The following CREB3L1 variants were observed in gnomAD, a reference collection of about 807,000 sequenced individuals.
The protein encoded by CREB3L1 is cyclic AMP-responsive element-binding protein 3-like protein 1.
A neutral mutation model predicts 54.5 loss-of-function variants in CREB3L1; 33 were observed. The ratio of observed to expected loss-of-function variants is 0.61; its 90% CI spans 0.46 to 0.81. The LOEUF (loss-of-function observed/expected upper bound fraction) is 0.81, where lower values mean the gene tolerates loss of function less well. Ranked by LOEUF, CREB3L1 falls within the 30% of genes least tolerant of loss-of-function variation. The probability of loss-of-function intolerance (pLI) is 0.00; values close to 1 mark genes in which losing one functional copy is unlikely to be tolerated. For missense variants in CREB3L1, 656 were observed against 673.3 expected, an observed-to-expected ratio of 0.97 and a Z score of 0.29; for synonymous variants, 284 against 286.4, an observed-to-expected ratio of 0.99 and a Z score of 0.08.
intron 1 of CREB3L1, among the ~76,000 whole-genome samples, chr11:46,286,614 G>A (rs1185581037): frequency 1.3e-5 from 2 of 151,894 alleles, no homozygotes; most frequent in African/African-American, 2.4e-5. Context: ...GTGAAACCCC[G>A]TCTCTACTAA....
chr11:46,305,698 G>GTGTATATA (rs1555222412), intron 2 of CREB3L1, among the ~76,000 whole-genome samples: 18,340 of 102,972 alleles, frequency 0.18, 1,305 homozygotes, highest in Middle Eastern at 0.26. Flanking sequence ...ATATGTGTGT[G>GTGTATATA]TGTGTGTGTG....
At chr11:46,296,025 C>T (rs998763685) in intron 1 of CREB3L1, among the ~76,000 whole-genome samples, 1 of 152,212 alleles carries the variant, frequency 6.6e-6, no homozygotes, top group Non-Finnish European at 1.5e-5. Context: ...CTTCCCACCC[C>T]CGTTGCCTGG....
rs1939204778 is a variant in CREB3L1, at chr11:46,295,923, G to GCGTGACA, written c.103-4011_103-4005dup. 2.0e-5 allele frequency among the ~76,000 whole-genome samples: 3 copies of GCGTGACA among 152,240 alleles called. No homozygotes were observed. The highest frequency in any genetic ancestry group is 7.2e-5 in the African/African-American group (3 of 41,468). ...AGGGAGGGAAGCCGGCGCCGGCTGCGCGTGACAGCCGAGAAGGAGCTTATA... is the reference window on the plus strand; with the variant it reads ...AGGGAGGGAAGCCGGCGCCGGCTGCGCGTGACACGTGACAGCCGAGAAGGAGCTTATA... On this transcript the variant is annotated intron_variant, in intron 1 of 11. Transcript: ENST00000621158. This position sits in a 1 kb window ranked among gnomAD's most constrained non-coding sequence, Gnocchi z 4.6.
intron 2 of CREB3L1, among the ~76,000 whole-genome samples, chr11:46,306,147 G>T (rs1019845652): frequency 1.3e-5 from 2 of 151,918 alleles, no homozygotes; most frequent in Non-Finnish European, 2.9e-5. Context: ...GGGCTCAAGC[G>T]ATCCTCCTGC....
rs1461472846 is a variant in CREB3L1 at position 46,295,917 on chromosome 11, G to T, written c.103-4018G>T. Among the ~76,000 whole-genome samples the T allele has an allele frequency of 6.6e-6, 1 of 152,246 alleles. No individual in the cohort carries two copies. The highest frequency in any genetic ancestry group is 2.4e-5 in the African/African-American group (1 of 41,468). On this transcript the variant is annotated intron_variant, in intron 1 of 11. Transcript: ENST00000621158. The surrounding 1 kb of genome is among the most constrained non-coding windows in gnomAD (Gnocchi z 4.6). ...CCTCCAAGGGAGGGAAGCCGGCGCC[G>T]GCTGCGCGTGACAGCCGAGAAGGAG...
intron 2 of CREB3L1, among the ~76,000 whole-genome samples, chr11:46,305,672 A>G (rs1174050336): frequency 5.6e-5 from 5 of 89,368 alleles, no homozygotes; most frequent in East Asian, 2.5e-4. Context: ...GTGTATATAT[A>G]TGTGTGTGTG....
intron 8 of CREB3L1, among the ~76,000 whole-genome samples, chr11:46,313,857 G>A (rs983100801): frequency 6.6e-6 from 1 of 152,174 alleles, no homozygotes; most frequent in African/African-American, 2.4e-5. Flanking sequence ...GGGTTCTTAC[G>A]CTGCTCTGCC....
intron 5 of CREB3L1, among the ~76,000 whole-genome samples, 185 bp downstream of exon 5, chr11:46,311,374 C>T (rs1434705193): frequency 6.6e-6 from 1 of 152,210 alleles, no homozygotes; most frequent in Non-Finnish European, 1.5e-5. Flanking sequence ...TGCTCTGTTG[C>T]CCAGGCTGGA....
intron 1 of CREB3L1, among the ~76,000 whole-genome samples, chr11:46,292,427 C>A (rs777346410): frequency 2.0e-5 from 3 of 152,188 alleles, no homozygotes; most frequent in Non-Finnish European, 2.9e-5. Flanking sequence ...CCACTGTGTG[C>A]GGGGACCAAT....
intron 10 of CREB3L1, 121 bp from the exon 11 acceptor site, chr11:46,320,143 C>T (rs906762939): frequency 3.1e-5 from 35 of 1,128,138 alleles, no homozygotes; most frequent in Non-Finnish European, 3.8e-5. Flanking sequence ...GTCACACATC[C>T]GGGAAGTGTC....
At chr11:46,304,669 CT>C (rs1481393126) in intron 2 of CREB3L1, among the ~76,000 whole-genome samples, 4 of 130,790 alleles carry the variant, frequency 3.1e-5, no homozygotes, top group African/African-American at 1.3e-4. Flanking sequence ...CACCCTAAGT[CT>C]TTTTTTAATT....
intron 6 of CREB3L1, 36 bp from the exon 7 acceptor site, chr11:46,312,576 C>G: frequency 6.2e-7 from 1 of 1,608,302 alleles, no homozygotes; most frequent in Non-Finnish European, 8.5e-7. Flanking sequence ...GAATATGTGG[C>G]AGTGCTAACC....
chr11:46,290,920 C>T (rs1446143507), intron 1 of CREB3L1, among the ~76,000 whole-genome samples: 1 of 152,158 alleles, frequency 6.6e-6, no homozygotes, highest in Non-Finnish European at 1.5e-5. Flanking sequence ...GATGTCAGGA[C>T]CCAGCACTCC....
rs1377029190 is a variant in CREB3L1, at chr11:46,320,943, T to C, written c.*197T>C. 2.4e-5 allele frequency: 17 copies of C among 704,304 alleles called. No homozygotes were observed. Among genetic ancestry groups the C allele is most frequent in the Middle Eastern group, 2.3e-4 (1 of 4,324 alleles). The allele number at this position is 704,304 out of a possible 1,614,324, so 43.6% of individuals were successfully genotyped here. A position where few individuals can be genotyped will look rare whatever the true frequency, so the allele number is the denominator to read the frequency against. On this transcript the variant is annotated 3_prime_UTR_variant, in exon 12 of 12. Coordinates refer to ENST00000621158, the MANE Select transcript of CREB3L1 (RefSeq NM_052854.4). ...GCCGACCACTCTGTTCTCATTCTCC[T>C]TCCCACCAACATCCATCCGTCCTTC...
chr11:46,300,199 C>A (rs1566185480), intron 2 of CREB3L1, 36 bp downstream of exon 2: 3 of 1,473,868 alleles, frequency 2.0e-6, no homozygotes, highest in Non-Finnish European at 2.8e-6. Context: ...AGCACAGGCC[C>A]AGGAGGCCCA....
rs1484777259 is a variant in CREB3L1 at position 46,295,395 on chromosome 11, G to A, written c.103-4540G>A. 1 of 152,212 alleles carries A rather than the reference G, an allele frequency of 6.6e-6. No individual in the cohort carries two copies. The highest frequency in any genetic ancestry group is 1.5e-5 in the Non-Finnish European group (1 of 68,076). The allele number at this position is 152,212 out of a possible 1,614,324, so 9.4% of individuals were successfully genotyped here. A position where few individuals can be genotyped will look rare whatever the true frequency, so the allele number is the denominator to read the frequency against. ...AGGCCCGGCTCGCCCTTTGAGTCGG[G>A]GTCGTCGGGGAGACCCTCGGTCTCC... On this transcript the variant is annotated intron_variant, in intron 1 of 11. Coordinates refer to ENST00000621158, the MANE Select transcript of CREB3L1 (RefSeq NM_052854.4). The surrounding 1 kb of genome is among the most constrained non-coding windows in gnomAD (Gnocchi z 4.6).
At chr11:46,306,952 C>T (rs1013871716) in intron 2 of CREB3L1, among the ~76,000 whole-genome samples, 1 of 151,884 alleles carries the variant, frequency 6.6e-6, no homozygotes, top group African/African-American at 2.4e-5. Context: ...CAGCCCACTG[C>T]AACCTCTGCC....
chr11:46,309,998 G>A lies in CREB3L1; in HGVS notation c.526G>A (p.Glu176Lys), dbSNP rs748646154. The A allele has an allele frequency of 1.1e-5, 18 of 1,601,256 alleles. No individual in the cohort carries two copies. In the Admixed American group the frequency reaches 2.6e-4, roughly 23 times the overall value. Residue 176 changes from glutamate (E) to lysine (K), a missense_variant, in exon 4 of 12, where the codon GAG (glutamate) becomes AAG (lysine). Glu to Lys is a moderately conservative substitution (Grantham distance 56). Coordinates refer to ENST00000621158, the MANE Select transcript of CREB3L1 (RefSeq NM_052854.4). Reference protein sequence around the residue: ...RLPIPHQAPGEMTQLPVIKAE... With the variant: ...RLPIPHQAPGKMTQLPVIKAE... ...CTTGTCTGTTCCTCAGGCCCCGGGA[G>A]AGATGACTCAGCTGCCAGTGATCAA...
intron 1 of CREB3L1, among the ~76,000 whole-genome samples, chr11:46,285,338 G>A (rs971517918): frequency 6.6e-6 from 1 of 152,108 alleles, no homozygotes; most frequent in Non-Finnish European, 1.5e-5. Flanking sequence ...TATTTGGGTG[G>A]AGTTAAGTCA....
Sources: gnomAD v4.1 joint callset for allele counts (sites outside exome capture counted in the v4.1 genomes callset) on GRCh38, gnomAD v4.1.1 for gene constraint, Gnocchi (gnomAD v3.1) non-coding constraint, MANE v1.5 for transcripts, NCBI Gene and HGNC (gene_info 2026-07-23, HGNC 2026-07-21) for gene names.